RAB40C: variants seen among roughly 807,000 people sequenced by gnomAD.
RAB40C encodes RAB40C, member RAS oncogene family, also known as ras-related protein Rab-40C.
RAB40C carries 8 observed loss-of-function variants against 28.1 expected under a neutral mutation model. That is an observed-to-expected ratio of 0.28 (90% CI 0.17 to 0.51). The LOEUF is 0.51. RAB40C is among the 20% of genes least tolerant of loss of function. The pLI is 0.97. For missense variants in RAB40C, 288 were observed against 405.9 expected, an observed-to-expected ratio of 0.71 and a Z score of 2.50; for synonymous variants, 201 against 171.7, an observed-to-expected ratio of 1.17 and a Z score of -1.34.
chr16:602,585 C>T lies in RAB40C; in HGVS notation c.142+12152C>T, dbSNP rs781402394. Among the ~76,000 whole-genome samples, 5 of 152,166 alleles carry T rather than the reference C, an allele frequency of 3.3e-5. No homozygotes were observed. The East Asian group carries it at 7.7e-4, about 24-fold the overall frequency. ...CTGGGATTACAGGCACCTGCCACCA[C>T]GCCCGGCTAGTTTTTTGGTATTTTT... On this transcript the variant is annotated intron_variant, in intron 1 of 5. Transcript: ENST00000248139.
chr16:594,208 G>A (rs906162680), intron 1 of RAB40C, among the ~76,000 whole-genome samples: 2 of 152,228 alleles, frequency 1.3e-5, no homozygotes, highest in Non-Finnish European at 2.9e-5. Context: ...GTGTGTGCCC[G>A]GGTCCTGGAA....
intron 3 of RAB40C, among the ~76,000 whole-genome samples, chr16:622,636 T>C (rs1244259084): frequency 6.6e-6 from 1 of 152,102 alleles, no homozygotes; most frequent in Non-Finnish European, 1.5e-5. Flanking sequence ...GGCTCCCGAG[T>C]AGCTAGAACT....
At chr16:620,437 G>A (rs992153102) in intron 3 of RAB40C, among the ~76,000 whole-genome samples, 2 of 152,192 alleles carry the variant, frequency 1.3e-5, no homozygotes, top group African/African-American at 2.4e-5. Flanking sequence ...CTACAAAAAT[G>A]CCTTCTTGTC....
chr16:625,336 T>C (rs2036805788), intron 3 of RAB40C, 96 bp from the exon 4 acceptor site: 18 of 1,540,768 alleles, frequency 1.2e-5, no homozygotes, highest in Non-Finnish European at 1.6e-5. Flanking sequence ...TCCTTGGCCC[T>C]GCCCGGGAAC....
chr16:595,603 CTTTT>C (rs746491567), intron 1 of RAB40C, among the ~76,000 whole-genome samples: 3 of 138,806 alleles, frequency 2.2e-5, no homozygotes, highest in Non-Finnish European at 3.1e-5. Flanking sequence ...CTTTTTTCTT[CTTTT>C]TTTTTTTTTT....
intron 1 of RAB40C, among the ~76,000 whole-genome samples, chr16:613,315 C>T (rs1196302092): frequency 5.3e-5 from 8 of 152,014 alleles, no homozygotes; most frequent in Non-Finnish European, 1.2e-4. Flanking sequence ...AGAGCAGGGA[C>T]AGCCGCCCTC....
intron 1 of RAB40C, among the ~76,000 whole-genome samples, chr16:608,178 A>G (rs1031345571): frequency 3.3e-5 from 5 of 152,236 alleles, no homozygotes; most frequent in Non-Finnish European, 4.4e-5. Context: ...GGCGGAAGGT[A>G]CCTCACACAG....
intron 1 of RAB40C, among the ~76,000 whole-genome samples, chr16:591,609 T>C (rs1252871793): frequency 6.6e-6 from 1 of 151,816 alleles, no homozygotes; most frequent in African/African-American, 2.4e-5. Context: ...TTTTTTTTTT[T>C]TGAGACGGAG....
At chr16:611,326 G>A (rs1410209614) in intron 1 of RAB40C, among the ~76,000 whole-genome samples, 1 of 152,204 alleles carries the variant, frequency 6.6e-6, no homozygotes, top group African/African-American at 2.4e-5. Context: ...TGTGGGTGTT[G>A]CTGGCGCCTG....
chr16:622,576 C>T (rs991752193), intron 3 of RAB40C, among the ~76,000 whole-genome samples: 12 of 152,306 alleles, frequency 7.9e-5, no homozygotes, highest in Admixed American at 5.2e-4. Flanking sequence ...GGCGCGATCT[C>T]GGCTCACTGC....
At chr16:614,995 A>G (rs2036558550) in intron 1 of RAB40C, among the ~76,000 whole-genome samples, 1 of 152,244 alleles carries the variant, frequency 6.6e-6, no homozygotes, top group Non-Finnish European at 1.5e-5. Context: ...GGCTGCTCAC[A>G]GCCGTGGCCC....
intron 5 of RAB40C, 120 bp from the exon 6 acceptor site, chr16:627,222 C>G: frequency 1.0e-6 from 1 of 1,001,520 alleles, no homozygotes; most frequent in East Asian, 2.6e-5. Context: ...AGGAGCCCAG[C>G]CTGGGAACAC....
chr16:589,720 T>C (rs945196964), upstream of RAB40C: 1 of 151,332 alleles, frequency 6.6e-6, no homozygotes, highest in African/African-American at 2.4e-5. Context: ...GGTGAACTTA[T>C]AATCGAACCA....
At chr16:592,447 G>T (rs1385351937) in intron 1 of RAB40C, among the ~76,000 whole-genome samples, 1 of 152,218 alleles carries the variant, frequency 6.6e-6, no homozygotes, top group African/African-American at 2.4e-5. Flanking sequence ...AAGGGCCAGG[G>T]AGGAAGAGCT....
At chr16:622,435 T>C (rs1234561252) in intron 3 of RAB40C, among the ~76,000 whole-genome samples, 1 of 152,184 alleles carries the variant, frequency 6.6e-6, no homozygotes, top group East Asian at 1.9e-4. Flanking sequence ...AAACTGACTG[T>C]CAGGGCGGCT....
At position 597,765 on chromosome 16, in the gene RAB40C, C is replaced by T. The variant is rs370761277; in HGVS notation, c.142+7332C>T. ...CAGCTTCCCAAAGTTGGTGGAATTA[C>T]AGGCATGAGCCACTGTGCCCAGCCC... On this transcript the variant is annotated intron_variant, in intron 1 of 5. Coordinates refer to ENST00000248139, the MANE Select transcript of RAB40C (RefSeq NM_021168.5). 2.2e-3 allele frequency among the ~76,000 whole-genome samples: 330 copies of T among 151,662 alleles called. 4 individuals are homozygous for T. Among genetic ancestry groups the T allele is most frequent in the African/African-American group, 7.6e-3 (313 of 41,410 alleles).
intron 3 of RAB40C, among the ~76,000 whole-genome samples, chr16:621,209 G>A (rs897748148): frequency 3.3e-5 from 5 of 152,344 alleles, no homozygotes; most frequent in East Asian, 3.9e-4. Flanking sequence ...GCCTCTGACC[G>A]CCGTGACTGA....
intron 1 of RAB40C, chr16:596,528 G>A: frequency 2.9e-6 from 1 of 341,114 alleles, no homozygotes; most frequent in South Asian, 2.2e-5. Flanking sequence ...GGCGTTTGGA[G>A]TAAGCAGGGA....
At chr16:615,482 G>A (rs1217794441) in intron 1 of RAB40C, among the ~76,000 whole-genome samples, 2 of 152,164 alleles carry the variant, frequency 1.3e-5, no homozygotes, top group Non-Finnish European at 2.9e-5. Context: ...AAGACAAAAC[G>A]TGAATGGTGT....
Sources: allele counts gnomAD v4.1 joint callset (sites outside exome capture counted in the v4.1 genomes callset), GRCh38; gene constraint gnomAD v4.1.1; transcripts MANE v1.5; gene names NCBI Gene and HGNC (gene_info 2026-07-23, HGNC 2026-07-21).